Variants in CFAP58 observed in about 807,000 individuals in gnomAD.
The protein encoded by CFAP58 is cilia and flagella associated protein 58, also known as cilia- and flagella-associated protein 58.
CFAP58 carries 88 observed loss-of-function variants against 119.5 expected under a neutral mutation model. The observed-to-expected ratio is 0.74, with a 90% CI of 0.62 to 0.88. The LOEUF (loss-of-function observed/expected upper bound fraction) is 0.88, where lower values mean the gene tolerates loss of function less well. Among genes scored for constraint, CFAP58 ranks in the 40% least tolerant of loss-of-function variants. The probability of loss-of-function intolerance (pLI) is 0.00; values close to 1 mark genes in which losing one functional copy is unlikely to be tolerated. For synonymous variants in CFAP58, 365 were observed against 366.3 expected (o/e 1.00, Z 0.04); for missense variants, 990 against 1,021.2 (o/e 0.97, Z 0.42).
chr10:104,394,372 A>C (rs1407837973), intron 11 of CFAP58, among the ~76,000 whole-genome samples: 1 of 152,214 alleles, frequency 6.6e-6, no homozygotes, highest in Non-Finnish European at 1.5e-5. Context: ...CACTTGCAGA[A>C]ACTGTTTACA....
At chr10:104,445,349 C>A (rs11192064) in intron 15 of CFAP58, among the ~76,000 whole-genome samples, 16,082 of 149,530 alleles carry the variant, frequency 0.11, 2,521 homozygotes, top group African/African-American at 0.34. Flanking sequence ...ACAACAACAA[C>A]AAAAAACAAA....
At chr10:104,361,278 G>A (rs1004602441) in intron 2 of CFAP58, among the ~76,000 whole-genome samples, 1 of 152,134 alleles carries the variant, frequency 6.6e-6, no homozygotes, top group Middle Eastern at 3.2e-3. Context: ...TCCATTCCCC[G>A]TTATGGGTTT....
chr10:104,383,808 C>T (rs2011869111), intron 9 of CFAP58, among the ~76,000 whole-genome samples: 1 of 146,420 alleles, frequency 6.8e-6, no homozygotes, highest in Admixed American at 6.9e-5. Flanking sequence ...GAAAAGCTCC[C>T]TTATGTGCAT....
intron 14 of CFAP58, 77 bp from the exon 15 acceptor site, chr10:104,406,610 CAA>C (rs2133050576): frequency 9.0e-7 from 1 of 1,107,696 alleles, no homozygotes; most frequent in Non-Finnish European, 1.4e-6. Flanking sequence ...TTTAATAAGA[CAA>C]TGTGCATTTT....
At chr10:104,441,319 G>T (rs2013033953) in intron 15 of CFAP58, among the ~76,000 whole-genome samples, 1 of 152,108 alleles carries the variant, frequency 6.6e-6, no homozygotes, top group Admixed American at 6.6e-5. Context: ...ACTGATCTTT[G>T]TGTGAACCTA....
intron 7 of CFAP58, among the ~76,000 whole-genome samples, chr10:104,371,661 G>A (rs2135262033): frequency 6.6e-6 from 1 of 152,326 alleles, no homozygotes; most frequent in Admixed American, 6.5e-5. Flanking sequence ...TCTGGTGGTT[G>A]GGGGTGAAAT....
intron 4 of CFAP58, 88 bp downstream of exon 4, chr10:104,364,977 T>C (rs535388092): frequency 5.6e-4 from 778 of 1,392,850 alleles, no homozygotes; most frequent in Non-Finnish European, 7.0e-4. Context: ...TGCTCCTTTC[T>C]CAAATTTACC....
In CFAP58 at chr10:104,358,087, A is replaced by G. The variant is rs541749245; in HGVS notation, c.10-254A>G. Among the ~76,000 whole-genome samples the G allele has an allele frequency of 1.2e-4, 17 of 139,006 alleles. No homozygotes were observed. The East Asian group carries it at 3.2e-3, about 26-fold the overall frequency. The allele number at this position is 139,006 out of a possible 152,430, so 91.2% of individuals were successfully genotyped here. On this transcript the variant is annotated intron_variant, in intron 1 of 17. Coordinates refer to ENST00000369704, the MANE Select transcript of CFAP58 (RefSeq NM_001008723.2). ...TATACACATATGTACATATATATAC[A>G]CACATATATATGTACATATATACAC...
the CFAP58 span, among the ~76,000 whole-genome samples, chr10:104,346,144 A>G: frequency 6.6e-6 from 1 of 151,898 alleles, no homozygotes; most frequent in Admixed American, 6.5e-5. Context: ...AGAGTGAGAG[A>G]AAGGATGTGC....
At chr10:104,372,289 G>A (rs1171039408) in intron 7 of CFAP58, among the ~76,000 whole-genome samples, 1 of 152,204 alleles carries the variant, frequency 6.6e-6, no homozygotes, top group East Asian at 1.9e-4. Flanking sequence ...GGAGGTGGAG[G>A]TTGCAGTGAG....
intron 2 of CFAP58, among the ~76,000 whole-genome samples, chr10:104,358,835 T>C (rs1411356066): frequency 1.3e-5 from 2 of 152,186 alleles, no homozygotes; most frequent in African/African-American, 2.4e-5. Flanking sequence ...AGAATCTTAC[T>C]TGTTTGGTTT....
chr10:104,395,890 C>T (rs972271400), intron 11 of CFAP58, among the ~76,000 whole-genome samples: 10 of 152,162 alleles, frequency 6.6e-5, no homozygotes, highest in Admixed American at 1.3e-4. Context: ...TTTTCCAAGC[C>T]GATAGGCAAA....
chr10:104,440,477 A>G (rs1217613278), intron 15 of CFAP58, among the ~76,000 whole-genome samples: 2 of 152,168 alleles, frequency 1.3e-5, no homozygotes, highest in Non-Finnish European at 2.9e-5. Context: ...TTTGAATCCA[A>G]TGATCTAGCT....
In CFAP58 at chr10:104,400,907, A is replaced by C; in HGVS notation, c.2039+4A>C. ...TGGCTAATGTTGAAGAACTCAGGTA[A>C]TAGATTATAGAACTCAGGGCTGAAG... is the stretch of plus-strand genomic sequence containing the variant. On this transcript the variant is annotated splice_donor_region_variant and intron_variant, in intron 13 of 17. Coordinates refer to ENST00000369704, the MANE Select transcript of CFAP58 (RefSeq NM_001008723.2). 6.2e-7 allele frequency: 1 copy of C among 1,610,446 alleles called. No individual in the cohort carries two copies. The highest frequency in any genetic ancestry group is 2.2e-5 in the East Asian group (1 of 44,850).
At chr10:104,357,719 C>A (rs1241528315) in intron 1 of CFAP58, among the ~76,000 whole-genome samples, 2 of 151,236 alleles carry the variant, frequency 1.3e-5, no homozygotes, top group African/African-American at 4.9e-5. Context: ...GCATATATAT[C>A]CCAATGCATA....
intron 15 of CFAP58, among the ~76,000 whole-genome samples, chr10:104,438,500 C>G (rs1408293598): frequency 6.6e-6 from 1 of 151,360 alleles, no homozygotes; most frequent in Non-Finnish European, 1.5e-5. Flanking sequence ...CTCAGCCTCC[C>G]GAGTAGCTGG....
chr10:104,386,543 A>G (rs1014940832), intron 9 of CFAP58, among the ~76,000 whole-genome samples: 2 of 152,124 alleles, frequency 1.3e-5, no homozygotes, highest in Non-Finnish European at 2.9e-5. Flanking sequence ...ATTAAAAGTG[A>G]TCTCTAATTC....
At chr10:104,452,221 T>G (rs2013207955) in intron 17 of CFAP58, among the ~76,000 whole-genome samples, 1 of 151,822 alleles carries the variant, frequency 6.6e-6, no homozygotes, top group African/African-American at 2.4e-5. Flanking sequence ...GATAAAAGTA[T>G]TAATAGATTT....
At chr10:104,366,044 A>C in intron 5 of CFAP58, 36 bp downstream of exon 5, 1 of 1,506,186 alleles carries the variant, frequency 6.6e-7, no homozygotes, top group Non-Finnish European at 8.9e-7. Flanking sequence ...AAAACCAAGA[A>C]AAACCCAGAA....
Sources: allele counts gnomAD v4.1 joint callset (sites outside exome capture counted in the v4.1 genomes callset), GRCh38; gene constraint gnomAD v4.1.1; transcripts MANE v1.5; gene names NCBI Gene and HGNC (gene_info 2026-07-23, HGNC 2026-07-21).